The following TNRC6C variants were observed in gnomAD, a reference collection of about 807,000 sequenced individuals.
TNRC6C encodes trinucleotide repeat containing adaptor 6C.
In TNRC6C, 20 loss-of-function variants were observed where a neutral mutation model predicts 153.7. That is an observed-to-expected ratio of 0.13 (90% CI 0.09 to 0.19). TNRC6C has a LOEUF of 0.19. Ranked by LOEUF, TNRC6C falls within the 10% of genes least tolerant of loss-of-function variation. TNRC6C has a pLI of 1.00. For missense variants in TNRC6C, 1,987 were observed against 2,172.0 expected, an observed-to-expected ratio of 0.91 and a Z score of 1.69; for synonymous variants, 811 against 841.4, an observed-to-expected ratio of 0.96 and a Z score of 0.63.
At chr17:78,001,728 C>G (rs189398945), upstream of TNRC6C, among the ~76,000 whole-genome samples, 1 of 151,762 alleles carries the variant, frequency 6.6e-6, no homozygotes, top group African/African-American at 2.4e-5. Context: ...TACAGTTACA[C>G]GAGCAGGGAC....
At chr17:78,020,561 A>G (rs1441283333) in intron 1 of TNRC6C, among the ~76,000 whole-genome samples, 2 of 152,240 alleles carry the variant, frequency 1.3e-5, no homozygotes, top group African/African-American at 4.8e-5. Context: ...CAATAATACA[A>G]TGCCATTTCT....
chr17:77,982,312 A>G (rs2071090069), intron 1 of TNRC6C, among the ~76,000 whole-genome samples: 2 of 152,062 alleles, frequency 1.3e-5, no homozygotes, highest in Admixed American at 6.6e-5. Context: ...ACTTCTTTAC[A>G]TTTAGAATGC....
chr17:77,974,770 CA>C (rs1439117289), intron 1 of TNRC6C, among the ~76,000 whole-genome samples: 1 of 152,194 alleles, frequency 6.6e-6, no homozygotes, highest in African/African-American at 2.4e-5. Flanking sequence ...TTTCCAAGAA[CA>C]AATCTTAACT....
Position 78,050,487 on chromosome 17 carries a change from G to A in TNRC6C, c.1425G>A (p.Gly475=), listed in dbSNP as rs371027036. ...GGTCTGAAAGGAAAAATGACAATGG[G>A]ACAGAGGCCTGGGGTTGTGCAGCTA... Residue 475 remains glycine (G), a synonymous_variant, in exon 3 of 20, where the codon GGG becomes GGA. Coordinates refer to ENST00000301624, the Ensembl canonical transcript of TNRC6C. 3 of 1,613,900 alleles carry A rather than the reference G, an allele frequency of 1.9e-6. No individual in the cohort carries two copies. The African/African-American group carries it at 4.0e-5, about 22-fold the overall frequency.
intron 2 of TNRC6C, among the ~76,000 whole-genome samples, chr17:78,038,678 C>CAAAAA (rs751760738): frequency 3.3e-5 from 2 of 61,240 alleles, no homozygotes; most frequent in African/African-American, 1.0e-4. Context: ...GACTCCGTGT[C>CAAAAA]AAAAAAAAAA....
chr17:77,984,380 A>AC (rs1567900839), intron 1 of TNRC6C, among the ~76,000 whole-genome samples: 12 of 151,522 alleles, frequency 7.9e-5, no homozygotes, highest in African/African-American at 2.9e-4. Flanking sequence ...AAAAAAAAAA[A>AC]CAGCCACGTG....
At chr17:78,071,116 C>G (rs775485544) in exon 6 of TNRC6C, 2 of 1,607,516 alleles carry the variant, frequency 1.2e-6, no homozygotes, top group South Asian at 2.2e-5. Context: ...CAGGATGAGG[C>G]CTGGATCATG....
At chr17:78,097,976 C>CATCA (rs2073518896) in intron 16 of TNRC6C, 115 bp downstream of exon 19, 3 of 923,318 alleles carry the variant, frequency 3.2e-6, no homozygotes, top group Non-Finnish European at 4.8e-6. Context: ...AGCTGGGAGG[C>CATCA]CGTGTGGCGT....
intron 1 of TNRC6C, among the ~76,000 whole-genome samples, chr17:77,988,868 G>T (rs1354511779): frequency 6.6e-6 from 1 of 152,182 alleles, no homozygotes; most frequent in Non-Finnish European, 1.5e-5. Context: ...CCACATTCTG[G>T]ATCATCTTCA....
chr17:78,092,771 C>A (rs561671577), intron 14 of TNRC6C, among the ~76,000 whole-genome samples, 162 bp from the exon 17 acceptor site: 1 of 152,252 alleles, frequency 6.6e-6, no homozygotes, highest in African/African-American at 2.4e-5. Context: ...GTCATTGATT[C>A]TTACAGAATC....
chr17:78,091,720 G>T, intron 14 of TNRC6C, 113 bp downstream of exon 16: 1 of 1,206,916 alleles, frequency 8.3e-7, no homozygotes, highest in South Asian at 2.6e-5. Context: ...ACTGAAAGTT[G>T]GATTTAAAAT....
intron 1 of TNRC6C, among the ~76,000 whole-genome samples, chr17:78,009,454 G>T (rs2071583745): frequency 1.3e-5 from 2 of 152,150 alleles, no homozygotes; most frequent in Admixed American, 1.3e-4. Flanking sequence ...ACTTCATAAA[G>T]TAGATGTTTT....
intron 16 of TNRC6C, among the ~76,000 whole-genome samples, chr17:78,094,710 G>T (rs1238160444): frequency 6.6e-6 from 1 of 152,226 alleles, no homozygotes; most frequent in East Asian, 1.9e-4. Flanking sequence ...AAAGTGCTGG[G>T]ATTACAGGCG....
intron 4 of TNRC6C, among the ~76,000 whole-genome samples, chr17:78,067,537 C>A (rs910730694): frequency 1.3e-5 from 2 of 152,070 alleles, no homozygotes; most frequent in Non-Finnish European, 2.9e-5. Flanking sequence ...GCACAGAGTA[C>A]AAATAGCTGA....
At chr17:78,091,101 T>G (rs1477234119) in intron 13 of TNRC6C, among the ~76,000 whole-genome samples, 8 of 152,194 alleles carry the variant, frequency 5.3e-5, no homozygotes, top group Non-Finnish European at 2.9e-5. Flanking sequence ...CTATTCACAT[T>G]TTCACCTTAA....
chr17:78,063,287 AT>A (rs2072806293), intron 3 of TNRC6C, among the ~76,000 whole-genome samples: 2 of 149,268 alleles, frequency 1.3e-5, no homozygotes, highest in Non-Finnish European at 1.5e-5. Flanking sequence ...TATATGTATA[AT>A]TTTAATTGTA....
chr17:78,044,185 C>G (rs1463369760), intron 2 of TNRC6C, among the ~76,000 whole-genome samples: 1 of 152,182 alleles, frequency 6.6e-6, no homozygotes, highest in Non-Finnish European at 1.5e-5. Flanking sequence ...ATCAGTTCCT[C>G]TTGTACTAAC....
intron 3 of TNRC6C, among the ~76,000 whole-genome samples, chr17:78,055,223 G>A (rs960560757): frequency 7.9e-5 from 12 of 151,150 alleles, no homozygotes; most frequent in African/African-American, 2.7e-4. Flanking sequence ...CTTTTTTTTT[G>A]TACCTTTTAA....
chr17:78,023,413 G>GCTCCTCCTCCTC (rs918377939), intron 1 of TNRC6C, among the ~76,000 whole-genome samples: 1 of 151,786 alleles, frequency 6.6e-6, no homozygotes, highest in Non-Finnish European at 1.5e-5. Flanking sequence ...TCCTTCTCCT[G>GCTCCTCCTCCTC]CTCCTCCTCC....
Sources: gnomAD v4.1 joint callset for allele counts (sites outside exome capture counted in the v4.1 genomes callset) on GRCh38, gnomAD v4.1.1 for gene constraint, MANE v1.5 for transcripts, NCBI Gene and HGNC (gene_info 2026-07-23, HGNC 2026-07-21) for gene names.